ATP6V1H: variants seen among roughly 807,000 people sequenced by gnomAD.
ATP6V1H encodes V-type proton ATPase subunit H.
A neutral mutation model predicts 71.7 loss-of-function variants in ATP6V1H; 39 were observed. The ratio of observed to expected loss-of-function variants is 0.54; its 90% CI spans 0.42 to 0.71. The LOEUF (loss-of-function observed/expected upper bound fraction) is 0.71, where lower values mean the gene tolerates loss of function less well. Ranked by LOEUF, ATP6V1H falls within the 30% of genes least tolerant of loss-of-function variation. ATP6V1H has a pLI of 0.00. For synonymous variants in ATP6V1H, 192 were observed against 199.3 expected (o/e 0.96, Z 0.31); for missense variants, 509 against 594.9 (o/e 0.86, Z 1.50).
At chr8:53,807,762 T>A (rs1810133706) in intron 7 of ATP6V1H, among the ~76,000 whole-genome samples, 1 of 152,240 alleles carries the variant, frequency 6.6e-6, no homozygotes, top group South Asian at 2.1e-4. Context: ...GTAAATTTAT[T>A]AAAAATCACT....
intron 13 of ATP6V1H, among the ~76,000 whole-genome samples, chr8:53,727,242 A>G (rs1806844264): frequency 6.6e-6 from 1 of 152,116 alleles, no homozygotes; most frequent in Non-Finnish European, 1.5e-5. Context: ...CCCACTGCAT[A>G]CTTTTCAGTC....
intron 9 of ATP6V1H, among the ~76,000 whole-genome samples, chr8:53,786,604 T>C (rs1055359565): frequency 6.8e-4 from 104 of 152,354 alleles, no homozygotes; most frequent in Admixed American, 6.7e-3. Context: ...ATCACCCGTC[T>C]TCTGTGTCAC....
At chr8:53,800,271 G>T (rs939903589) in intron 8 of ATP6V1H, among the ~76,000 whole-genome samples, 54 of 152,170 alleles carry the variant, frequency 3.5e-4, no homozygotes, top group African/African-American at 1.3e-3. Context: ...CTGTATCTCT[G>T]TAATAAATCT....
At chr8:53,738,321 G>T (rs988802774) in intron 13 of ATP6V1H, among the ~76,000 whole-genome samples, 1 of 150,380 alleles carries the variant, frequency 6.6e-6, no homozygotes, top group African/African-American at 2.5e-5. Flanking sequence ...ATGCGTGCAC[G>T]TGCACACACA....
At position 53,805,499 on chromosome 8, in the gene ATP6V1H, T is replaced by A. The variant is rs148904522; in HGVS notation, c.580-3603A>T. 2.2e-3 allele frequency among the ~76,000 whole-genome samples: 337 copies of A among 152,286 alleles called. 2 individuals carry two copies. Among genetic ancestry groups the A allele is most frequent in the African/African-American group, 7.8e-3 (326 of 41,568 alleles). ...TGATTTTTGCTTCAATATAGACACT[T>A]AGAAAACACAGGACAATATCAAGTG... On this transcript the variant is annotated intron_variant, in intron 7 of 13. Coordinates refer to ENST00000359530, the MANE Select transcript of ATP6V1H (RefSeq NM_015941.4).
At chr8:53,818,523 G>A (rs1213287570) in intron 4 of ATP6V1H, among the ~76,000 whole-genome samples, 1 of 152,062 alleles carries the variant, frequency 6.6e-6, no homozygotes, top group Admixed American at 6.5e-5. Flanking sequence ...TTATTGTTTA[G>A]AATAACAATT....
intron 9 of ATP6V1H, among the ~76,000 whole-genome samples, chr8:53,793,020 C>T (rs1190994982): frequency 6.6e-6 from 1 of 152,068 alleles, no homozygotes; most frequent in Non-Finnish European, 1.5e-5. Flanking sequence ...ACAGAATAAG[C>T]TCTCAATAGA....
At chr8:53,804,110 C>T (rs1273783219) in intron 7 of ATP6V1H, among the ~76,000 whole-genome samples, 1 of 152,236 alleles carries the variant, frequency 6.6e-6, no homozygotes, top group Non-Finnish European at 1.5e-5. Flanking sequence ...ATCTGACATA[C>T]TCTCTCCTAT....
intron 2 of ATP6V1H, among the ~76,000 whole-genome samples, chr8:53,834,068 A>G (rs770323378): frequency 2.6e-4 from 40 of 152,184 alleles, no homozygotes; most frequent in South Asian, 2.1e-4. Context: ...ATGTGTCAGC[A>G]GAACAGACCT....
intron 9 of ATP6V1H, among the ~76,000 whole-genome samples, chr8:53,773,341 G>C (rs1808743158): frequency 1.3e-5 from 2 of 152,004 alleles, no homozygotes; most frequent in Non-Finnish European, 2.9e-5. Context: ...TGTCCACTCA[G>C]GTACGATGGA....
chr8:53,730,656 G>A (rs1806984461), intron 13 of ATP6V1H, among the ~76,000 whole-genome samples: 1 of 152,124 alleles, frequency 6.6e-6, no homozygotes, highest in South Asian at 2.1e-4. Flanking sequence ...TTATTCTCAA[G>A]CAGCTCAGAA....
chr8:53,811,600 T>G (rs1663318809), intron 6 of ATP6V1H, among the ~76,000 whole-genome samples: 2 of 152,186 alleles, frequency 1.3e-5, no homozygotes. Flanking sequence ...TAGCAAAGCT[T>G]TCAAAAATAG....
rs147703487 is a variant in ATP6V1H, at chr8:53,778,235, G to A, written c.871-6068C>T. Among the ~76,000 whole-genome samples, 340 of 152,300 alleles carry A rather than the reference G, an allele frequency of 2.2e-3. 2 individuals carry two copies. The highest frequency in any genetic ancestry group is 7.9e-3 in the African/African-American group (328 of 41,572). ...TATAACAGATGGACCTATTTGGGGA[G>A]TACATGTGACATTTTGATACAATCA... On this transcript the variant is annotated intron_variant, in intron 9 of 13. Transcript: ENST00000359530.
At chr8:53,753,049 C>T (rs1339441908) in intron 12 of ATP6V1H, among the ~76,000 whole-genome samples, 1 of 147,726 alleles carries the variant, frequency 6.8e-6, no homozygotes, top group Non-Finnish European at 1.5e-5. Context: ...AAAAAAAAAA[C>T]AACAACCCTA....
rs145123751 is a variant in ATP6V1H at position 53,796,236 on chromosome 8, A to T, written c.678-397T>A. ...TAAAGGAAACAGAGAAAAGAAGGGA[A>T]GCGCTTGGTGAAAACCTGTGATGGG... On this transcript the variant is annotated intron_variant, in intron 8 of 13. Coordinates refer to ENST00000359530, the MANE Select transcript of ATP6V1H (RefSeq NM_015941.4). 2.2e-3 allele frequency among the ~76,000 whole-genome samples: 338 copies of T among 152,284 alleles called. 2 individuals carry two copies. The highest frequency in any genetic ancestry group is 7.9e-3 in the African/African-American group (327 of 41,564).
intron 4 of ATP6V1H, among the ~76,000 whole-genome samples, chr8:53,819,559 T>TATATATATATATAG (rs1810567037): frequency 8.4e-6 from 1 of 118,842 alleles, no homozygotes; most frequent in Non-Finnish European, 1.8e-5. Flanking sequence ...TATATATATA[T>TATATATATATATAG]ATATATATAT....
intron 8 of ATP6V1H, among the ~76,000 whole-genome samples, chr8:53,796,729 C>A (rs1391451556): frequency 6.6e-6 from 1 of 152,136 alleles, no homozygotes; most frequent in Non-Finnish European, 1.5e-5. Context: ...ATATACCATA[C>A]TAATGCAAGA....
At chr8:53,766,713 G>T (rs944859333) in intron 11 of ATP6V1H, among the ~76,000 whole-genome samples, 3 of 152,186 alleles carry the variant, frequency 2.0e-5, no homozygotes, top group Non-Finnish European at 4.4e-5. Flanking sequence ...TGAGACTGCA[G>T]AGGTGAAATA....
At chr8:53,795,929 G>A (rs1809716085) in intron 8 of ATP6V1H, 90 bp from the exon 9 acceptor site, 1 of 1,155,606 alleles carries the variant, frequency 8.7e-7, no homozygotes, top group African/African-American at 1.6e-5. Context: ...TAATGGAACA[G>A]GTCTCTCTGA....
Sources: allele counts gnomAD v4.1 joint callset (sites outside exome capture counted in the v4.1 genomes callset), GRCh38; gene constraint gnomAD v4.1.1; transcripts MANE v1.5; gene names NCBI Gene and HGNC (gene_info 2026-07-23, HGNC 2026-07-21).